The following UPP2 variants were observed in gnomAD, a reference collection of about 807,000 sequenced individuals.
UPP2 encodes the protein uridine phosphorylase 2, also known as UPase 2.
Under a neutral mutation model 26.7 loss-of-function variants are expected in UPP2, and 23 were observed. The observed-to-expected ratio is 0.86, with a 90% CI of 0.62 to 1.22. The LOEUF (loss-of-function observed/expected upper bound fraction) is 1.22. UPP2 is among the 50% of genes most tolerant of loss of function. UPP2 has a pLI of 0.00. For synonymous variants in UPP2, 127 were observed against 141.3 expected (o/e 0.90, Z 0.72); for missense variants, 387 against 396.7 (o/e 0.98, Z 0.21).
intron 2 of UPP2, among the ~76,000 whole-genome samples, chr2:158,010,876 G>C (rs570143915): frequency 3.3e-5 from 5 of 151,346 alleles, no homozygotes; most frequent in South Asian, 4.2e-4. Flanking sequence ...AGTGATTCTG[G>C]TGCCTTAGCC....
At chr2:158,057,264 T>G (rs1198998321) in intron 3 of UPP2, among the ~76,000 whole-genome samples, 2 of 152,218 alleles carry the variant, frequency 1.3e-5, no homozygotes, top group Non-Finnish European at 2.9e-5. Context: ...TGGAAGGAAG[T>G]TGCTATGCAC....
intron 1 of UPP2, 63 bp from the exon 2 acceptor site, chr2:158,106,036 T>A: frequency 7.9e-7 from 1 of 1,267,766 alleles, no homozygotes; most frequent in South Asian, 1.4e-5. Flanking sequence ...GTTCAGACTT[T>A]CTTTCTTGTG....
At chr2:158,099,566 A>C (rs1323716136), upstream of UPP2, among the ~76,000 whole-genome samples, 1 of 152,140 alleles carries the variant, frequency 6.6e-6, no homozygotes, top group African/African-American at 2.4e-5. Flanking sequence ...AGGTGAACCA[A>C]TACAACCTTT....
chr2:158,061,543 T>C (rs1305496276), intron 3 of UPP2, among the ~76,000 whole-genome samples: 2 of 152,228 alleles, frequency 1.3e-5, no homozygotes, highest in Non-Finnish European at 2.9e-5. Flanking sequence ...CTTTAAATAA[T>C]AGATTTAAAC....
upstream of UPP2, among the ~76,000 whole-genome samples, chr2:158,096,903 G>A (rs952640010): frequency 1.3e-5 from 2 of 151,804 alleles, no homozygotes; most frequent in Non-Finnish European, 2.9e-5. Context: ...CCAAATTTAG[G>A]GTTATGTTTA....
chr2:158,033,420 T>C (rs552788234), intron 3 of UPP2, among the ~76,000 whole-genome samples: 1 of 152,236 alleles, frequency 6.6e-6, no homozygotes, highest in East Asian at 1.9e-4. Flanking sequence ...TCAGGGGTGC[T>C]CTTATGACTG....
intron 2 of UPP2, among the ~76,000 whole-genome samples, chr2:158,108,429 CAAACA>C (rs1293487773): frequency 6.6e-6 from 1 of 152,024 alleles, no homozygotes; most frequent in Non-Finnish European, 1.5e-5. Flanking sequence ...TTTCTCTGTT[CAAACA>C]AAACAAAATA....
intron 3 of UPP2, among the ~76,000 whole-genome samples, chr2:158,080,637 T>C (rs546753664): frequency 6.6e-6 from 1 of 152,334 alleles, no homozygotes; most frequent in Admixed American, 6.5e-5. Context: ...CATAGTTATC[T>C]TTCCCAGCTA....
At chr2:158,003,265 G>A (rs1371957822) in intron 2 of UPP2, among the ~76,000 whole-genome samples, 3 of 152,260 alleles carry the variant, frequency 2.0e-5, no homozygotes, top group African/African-American at 4.8e-5. Flanking sequence ...GAGAGGGTCC[G>A]ATGCAGAGTG....
At chr2:158,093,889 C>T (rs1237212086) in intron 3 of UPP2, among the ~76,000 whole-genome samples, 1 of 150,572 alleles carries the variant, frequency 6.6e-6, no homozygotes, top group East Asian at 1.9e-4. Flanking sequence ...AAGAAGATAC[C>T]CATAAGGATG....
At chr2:158,114,638 T>C (rs1344365352) in intron 2 of UPP2, among the ~76,000 whole-genome samples, 1 of 152,226 alleles carries the variant, frequency 6.6e-6, no homozygotes, top group East Asian at 1.9e-4. Flanking sequence ...ACATACTCCA[T>C]TTCACAATAC....
At chr2:158,051,080 A>C (rs943450411) in intron 3 of UPP2, among the ~76,000 whole-genome samples, 6 of 152,010 alleles carry the variant, frequency 3.9e-5, no homozygotes, top group Non-Finnish European at 7.4e-5. Flanking sequence ...GCACACACAT[A>C]AACATTATAT....
At chr2:158,058,475 G>A (rs1047351999) in intron 3 of UPP2, among the ~76,000 whole-genome samples, 3 of 147,614 alleles carry the variant, frequency 2.0e-5, no homozygotes, top group Admixed American at 6.7e-5. Flanking sequence ...AGGAAAGGAC[G>A]TGTGAGGACA....
intron 3 of UPP2, among the ~76,000 whole-genome samples, chr2:158,058,651 A>T (rs1193412285): frequency 6.6e-6 from 1 of 152,138 alleles, no homozygotes; most frequent in Admixed American, 6.5e-5. Context: ...CAGCCCTAGC[A>T]GACTAATACA....
intron 4 of UPP2, among the ~76,000 whole-genome samples, chr2:158,119,906 G>A (rs548049270): frequency 1.3e-5 from 2 of 151,682 alleles, no homozygotes; most frequent in South Asian, 2.1e-4. Flanking sequence ...AGCTATTCTG[G>A]AGGCTGAGGC....
intron 3 of UPP2, among the ~76,000 whole-genome samples, chr2:158,085,262 A>G (rs765065313): frequency 2.6e-5 from 4 of 151,638 alleles, no homozygotes; most frequent in Admixed American, 6.6e-5. Context: ...TATTGCAACT[A>G]TTGTAACAGG....
At chr2:158,090,523 AAAC>A (rs199992156) in intron 3 of UPP2, among the ~76,000 whole-genome samples, 3,005 of 151,358 alleles carry the variant, frequency 0.02, 103 homozygotes, top group African/African-American at 0.066. Context: ...AAAACCCAAA[AAAC>A]AAACAAACAA....
chr2:158,044,588 C>T (rs1328500166), intron 3 of UPP2, among the ~76,000 whole-genome samples: 2 of 152,160 alleles, frequency 1.3e-5, no homozygotes, highest in South Asian at 4.1e-4. Context: ...GATTTAGTGA[C>T]ACTCGTGTGC....
At chr2:158,004,786 A>G (rs16842383) in intron 2 of UPP2, among the ~76,000 whole-genome samples, 3,703 of 152,336 alleles carry the variant, frequency 0.024, 137 homozygotes, top group African/African-American at 0.084. Flanking sequence ...GACTTTTAGT[A>G]ACCTTTTGAG....
Sources: allele counts gnomAD v4.1 joint callset (sites outside exome capture counted in the v4.1 genomes callset), GRCh38; gene constraint gnomAD v4.1.1; transcripts MANE v1.5; gene names NCBI Gene and HGNC (gene_info 2026-07-23, HGNC 2026-07-21).